Variants in CLGN observed in about 807,000 individuals in gnomAD.
CLGN encodes calmegin.
A neutral mutation model predicts 79.1 loss-of-function variants in CLGN; 62 were observed. The observed-to-expected ratio is 0.78, with a 90% CI of 0.64 to 0.97. CLGN has a LOEUF of 0.97. Among genes scored for constraint, CLGN ranks in the 50% least tolerant of loss-of-function variants. The pLI is 0.00. For synonymous variants in CLGN, 225 were observed against 224.7 expected, an observed-to-expected ratio of 1.00 and a Z score of -0.01; for missense variants, 647 against 715.5, an observed-to-expected ratio of 0.90 and a Z score of 1.09.
At chr4:140,411,081 A>G (rs143601308) in intron 2 of CLGN, among the ~76,000 whole-genome samples, 44 of 152,214 alleles carry the variant, frequency 2.9e-4, no homozygotes, top group African/African-American at 8.4e-4. Context: ...AAAAGATTCT[A>G]TGGAGATAGC....
intron 1 of CLGN, among the ~76,000 whole-genome samples, chr4:140,427,079 G>T (rs1404870955): frequency 6.8e-6 from 1 of 148,062 alleles, no homozygotes; most frequent in Admixed American, 6.8e-5. Flanking sequence ...GCGCCCAGAC[G>T]CGCCCCGGGC....
intron 6 of CLGN, 78 bp from the exon 7 acceptor site, chr4:140,400,627 TAG>T (rs1728982051): frequency 1.2e-6 from 1 of 862,580 alleles, no homozygotes; most frequent in African/African-American, 1.7e-5. Context: ...ATCCAATGGG[TAG>T]AGTTTACAAA....
chr4:140,412,747 T>A (rs1729236321), intron 2 of CLGN, among the ~76,000 whole-genome samples, 188 bp downstream of exon 2: 1 of 152,194 alleles, frequency 6.6e-6, no homozygotes, highest in African/African-American at 2.4e-5. Flanking sequence ...CTAGATGCCA[T>A]GAACAAATTT....
At chr4:140,415,013 C>T (rs1218413138) in intron 1 of CLGN, among the ~76,000 whole-genome samples, 2 of 151,434 alleles carry the variant, frequency 1.3e-5, no homozygotes, top group East Asian at 1.9e-4. Flanking sequence ...CAGCAGAAAC[C>T]CTACAAGCCA....
intron 1 of CLGN, among the ~76,000 whole-genome samples, chr4:140,415,272 C>G (rs1729306071): frequency 6.6e-6 from 1 of 152,100 alleles, no homozygotes; most frequent in Admixed American, 6.6e-5. Context: ...ACCATCAAGA[C>G]TAGGAAGAAA....
chr4:140,404,354 A>C (rs1729055508), intron 5 of CLGN, among the ~76,000 whole-genome samples: 1 of 152,136 alleles, frequency 6.6e-6, no homozygotes, highest in Non-Finnish European at 1.5e-5. Flanking sequence ...TGGCCTCCCA[A>C]AGTGCTGGGA....
rs991520692 is a variant in CLGN, at chr4:140,405,329, C to G, written c.419+613G>C. ...CCTCCCAAGTAGCTGGGACTACAGGCGCCCGCCACTACGCCCGGCTAATTT... is the reference window on the plus strand; with the variant it reads ...CCTCCCAAGTAGCTGGGACTACAGGGGCCCGCCACTACGCCCGGCTAATTT... On this transcript the variant is annotated intron_variant, in intron 5 of 14. Coordinates refer to ENST00000325617, the MANE Select transcript of CLGN (RefSeq NM_004362.3). 5.2e-4 allele frequency among the ~76,000 whole-genome samples: 78 copies of G among 148,856 alleles called. 2 individuals carry two copies. In the East Asian group the frequency reaches 0.015, roughly 28 times the overall value.
chr4:140,425,764 G>T (rs985182462), intron 1 of CLGN, among the ~76,000 whole-genome samples: 1 of 151,414 alleles, frequency 6.6e-6, no homozygotes, highest in Non-Finnish European at 1.5e-5. Context: ...GAGTAGCTGG[G>T]ATTATAGGCG....
Position 140,392,720 on chromosome 4 carries a change from G to A in CLGN, c.1366-9C>T, listed in dbSNP as rs140732632. ...TGTTTTAATACACCAGGCTATAGAC[G>A]AGATAAGCATAAAAATGCAATTCAA... On this transcript the variant is annotated splice_polypyrimidine_tract_variant and intron_variant, in intron 11 of 14. Coordinates refer to ENST00000325617, the MANE Select transcript of CLGN (RefSeq NM_004362.3). The A allele has an allele frequency of 1.2e-4, 188 of 1,558,974 alleles. No individual in the cohort carries two copies. Among genetic ancestry groups the A allele is most frequent in the East Asian group, 7.9e-4 (34 of 43,282 alleles).
chr4:140,400,519 T>C lies in CLGN; in HGVS notation c.532A>G (p.Ile178Val). 6.3e-7 allele frequency: 1 copy of C among 1,596,274 alleles called. No individual in the cohort carries two copies. The highest frequency in any genetic ancestry group is 8.6e-7 in the Non-Finnish European group (1 of 1,169,130). ...CCACATTTATCTGGTCCAAACATAATGATATAGGATGTTTTATCATAAAAG... is the reference window on the plus strand; with the variant it reads ...CCACATTTATCTGGTCCAAACATAACGATATAGGATGTTTTATCATAAAAG... Reference protein sequence around the residue: ...ENFYDKTSYIIMFGPDKCGED... With the variant: ...ENFYDKTSYIVMFGPDKCGED... The change falls in exon 7 of 15, where the codon ATT becomes GTT. Residue 178 changes from isoleucine to valine, a missense_variant. Physicochemically the swap from Ile to Val is conservative, Grantham distance 29. Coordinates refer to ENST00000325617, the MANE Select transcript of CLGN (RefSeq NM_004362.3).
chr4:140,394,148 AAG>A (rs113934195), intron 10 of CLGN, 107 bp from the exon 11 acceptor site: 36,430 of 727,864 alleles, frequency 0.05, 1,310 homozygotes, highest in African/African-American at 0.11. Context: ...AACTGGAAAA[AAG>A]AGAATTTTAA....
At chr4:140,413,145 G>C (rs1729246595) in intron 1 of CLGN, 58 bp from the exon 2 acceptor site, 2 of 1,331,094 alleles carry the variant, frequency 1.5e-6, no homozygotes, top group Admixed American at 4.3e-5. Context: ...TAAGTGTTAA[G>C]TATATGTAGA....
At chr4:140,421,075 T>G (rs1729460367) in intron 1 of CLGN, among the ~76,000 whole-genome samples, 1 of 152,172 alleles carries the variant, frequency 6.6e-6, no homozygotes, top group African/African-American at 2.4e-5. Flanking sequence ...TGTAACTGGC[T>G]TATTTTACTT....
intron 8 of CLGN, among the ~76,000 whole-genome samples, chr4:140,397,173 T>C (rs1377526679): frequency 2.6e-5 from 4 of 151,822 alleles, no homozygotes; most frequent in African/African-American, 4.8e-5. Flanking sequence ...TTACTCTCTA[T>C]AATGGTTACA....
intron 1 of CLGN, among the ~76,000 whole-genome samples, chr4:140,425,427 A>AGGGTGTGT (rs752697717): frequency 0.018 from 1,391 of 79,268 alleles, 10 homozygotes; most frequent in Admixed American, 0.039. Context: ...CAGAATCAAT[A>AGGGTGTGT]GGGTGTGTGT....
intron 5 of CLGN, among the ~76,000 whole-genome samples, chr4:140,405,164 A>AT (rs33924118): frequency 0.028 from 2,364 of 85,152 alleles, 89 homozygotes; most frequent in African/African-American, 0.07. Context: ...ATAACAAGTA[A>AT]TTTTTTTTAT....
At chr4:140,425,645 T>C (rs537079989) in intron 1 of CLGN, among the ~76,000 whole-genome samples, 10,954 of 140,044 alleles carry the variant, frequency 0.078, 485 homozygotes, top group African/African-American at 0.17. Context: ...TTTTTTTTTT[T>C]TGAGATGGAG....
chr4:140,411,389 C>G (rs961477869), intron 2 of CLGN, among the ~76,000 whole-genome samples: 5 of 151,836 alleles, frequency 3.3e-5, no homozygotes, highest in African/African-American at 1.2e-4. Context: ...ACAGAATTTA[C>G]CAACAAAATA....
chr4:140,408,726 T>C (rs1729153896), intron 4 of CLGN, among the ~76,000 whole-genome samples: 1 of 151,886 alleles, frequency 6.6e-6, no homozygotes, highest in African/African-American at 2.4e-5. Context: ...TGGTGCAATG[T>C]AAATTAATAC....
Sources: allele counts gnomAD v4.1 joint callset (sites outside exome capture counted in the v4.1 genomes callset), GRCh38; gene constraint gnomAD v4.1.1; transcripts MANE v1.5; gene names NCBI Gene and HGNC (gene_info 2026-07-23, HGNC 2026-07-21).